The following COPA variants were observed in gnomAD, a reference collection of about 807,000 sequenced individuals.
COPA encodes the protein coatomer subunit alpha.
In COPA, 10 loss-of-function variants were observed where a neutral mutation model predicts 158.7. The ratio of observed to expected loss-of-function variants is 0.06; its 90% CI spans 0.04 to 0.11. The LOEUF (loss-of-function observed/expected upper bound fraction) is 0.11, where lower values mean the gene tolerates loss of function less well. Ranked by LOEUF, COPA falls within the 10% of genes least tolerant of loss-of-function variation. COPA has a pLI of 1.00. For missense variants in COPA, 1,065 were observed against 1,536.7 expected, an observed-to-expected ratio of 0.69 and a Z score of 5.13; for synonymous variants, 462 against 542.8, an observed-to-expected ratio of 0.85 and a Z score of 2.07.
chr1:160,308,552 G>GA (rs1377837175), intron 13 of COPA, among the ~76,000 whole-genome samples: 1 of 152,218 alleles, frequency 6.6e-6, no homozygotes, highest in African/African-American at 2.4e-5. Context: ...TCCATTCTGA[G>GA]AATGTTTTGT....
intron 2 of COPA, 74 bp from the exon 3 acceptor site, chr1:160,340,056 A>G: frequency 1.3e-6 from 2 of 1,563,930 alleles, no homozygotes; most frequent in East Asian, 4.5e-5. Context: ...CCTATTCAGG[A>G]TTTTTCAGTT....
intron 8 of COPA, chr1:160,317,272 T>C (rs1382533691): frequency 2.6e-6 from 2 of 777,104 alleles, no homozygotes; most frequent in African/African-American, 1.7e-5. Flanking sequence ...ACTAATGTGG[T>C]AGCGGAAGTT....
At chr1:160,302,354 GAAAACTAT>G (rs1163283898) in intron 17 of COPA, among the ~76,000 whole-genome samples, 2 of 151,912 alleles carry the variant, frequency 1.3e-5, no homozygotes, top group African/African-American at 2.4e-5. Flanking sequence ...TCTCTATAGA[GAAAACTAT>G]AAAACTTTAT....
intron 30 of COPA, 43 bp downstream of exon 30, chr1:160,291,776 G>A (rs1173837133): frequency 2.5e-6 from 4 of 1,580,422 alleles, no homozygotes; most frequent in Non-Finnish European, 3.5e-6. Context: ...GAAGGGTGAA[G>A]GGAAGGACGT....
rs754430732 is a variant in COPA, at chr1:160,306,346, T to C, written c.1442+8A>G. 6 of 1,589,740 alleles carry C rather than the reference T, an allele frequency of 3.8e-6. No homozygotes were observed. The highest frequency in any genetic ancestry group is 1.3e-5 in the African/African-American group (1 of 74,258). ...GGGCTGTCTGCTTAGGGGCACCTGA[T>C]ATGTTACCGCTTCTGCTGTACGTCA... On this transcript the variant is annotated splice_region_variant and intron_variant, in intron 15 of 32. Transcript: ENST00000241704.
chr1:160,331,999 C>T (rs1647545933), intron 6 of COPA, among the ~76,000 whole-genome samples: 1 of 151,918 alleles, frequency 6.6e-6, no homozygotes, highest in Non-Finnish European at 1.5e-5. Flanking sequence ...TCCTAGAACC[C>T]AACCATGCTC....
intron 7 of COPA, among the ~76,000 whole-genome samples, chr1:160,324,631 T>C (rs1448342372): frequency 1.3e-5 from 2 of 152,056 alleles, no homozygotes; most frequent in African/African-American, 4.8e-5. Flanking sequence ...CTTTCGTAAG[T>C]ATACAATAGA....
chr1:160,290,521 A>C lies in COPA; in HGVS notation c.3586T>G (p.Phe1196Val), dbSNP rs1175868624. The stretch of plus-strand genomic sequence containing the variant: ...GTGACCCTGCAGATTTGACCTTTGA[A>C]CTCAGGGGAATAGCAGGCCCCACTG... The part of the protein sequence containing the change: ...PLSGACYSPE[F>V]KGQICRVTTV... Residue 1196 changes from phenylalanine to valine, a missense_variant, in exon 32 of 33, where the codon TTC (phenylalanine) becomes GTC (valine). By Grantham distance (50) the Phe-to-Val change is conservative. Transcript: ENST00000241704. The C allele has an allele frequency of 6.2e-7, 1 of 1,614,130 alleles. No homozygotes were observed. The highest frequency in any genetic ancestry group is 8.5e-7 in the Non-Finnish European group (1 of 1,180,024).
In COPA at chr1:160,307,210, C is replaced by T. The variant is rs750819605; in HGVS notation, c.1255G>A (p.Val419Ile). The change falls in exon 14 of 33, where the codon GTT becomes ATT. Residue 419 changes from valine to isoleucine, a missense_variant. This residue lies in a region of COPA where 980 missense variants were observed against 1,357.8 expected (regional missense o/e 0.72). Transcript: ENST00000241704. ...GCAAACCGATTTCGAGCGACCCAAACGGCTGTCAGGCCTGAGGATCGTTTC... is the reference window on the plus strand; with the variant it reads ...GCAAACCGATTTCGAGCGACCCAAATGGCTGTCAGGCCTGAGGATCGTTTC... ...EGKRSSGLTA[V>I]WVARNRFAVL... 7.4e-6 allele frequency: 12 copies of T among 1,614,086 alleles called. No individual in the cohort carries two copies. Among genetic ancestry groups the T allele is most frequent in the East Asian group, 4.5e-5 (2 of 44,902 alleles).
chr1:160,305,433 C>G lies in COPA; in HGVS notation c.1667G>C (p.Gly556Ala). Residue 556 changes from glycine (G) to alanine (A), a missense_variant and splice_region_variant, in exon 17 of 33, where the codon GGG (glycine) becomes GCG (alanine). Coordinates refer to ENST00000241704, the MANE Select transcript of COPA (RefSeq NM_004371.4). The part of the protein sequence containing the change: ...SNHIKYAVTT[G>A]DHGIIRTLDL... ...TCTGTATCCCAGATAATTAACTTAC[C>G]CAGTGGTGACAGCATATTTGATGTG... The G allele has an allele frequency of 6.2e-7, 1 of 1,613,724 alleles. No homozygotes were observed. The highest frequency in any genetic ancestry group is 8.5e-7 in the Non-Finnish European group (1 of 1,179,824).
At chr1:160,317,298 TTGTGC>T (rs775548815) in intron 8 of COPA, 12 of 1,024,092 alleles carry the variant, frequency 1.2e-5, no homozygotes, top group Non-Finnish European at 1.7e-5. Context: ...AGCTGCGGTG[TTGTGC>T]TGTGGGGAAG....
At position 160,296,242 on chromosome 1, in the gene COPA, G is replaced by A. The variant is rs1047239109; in HGVS notation, c.2264-93C>T. 2.0e-5 allele frequency: 20 copies of A among 1,016,830 alleles called. No individual in the cohort carries two copies. The African/African-American group carries it at 2.9e-4, about 15-fold the overall frequency. 63.0% of individuals were successfully genotyped at this position (1,016,830 alleles called of 1,614,324 possible). A position where few individuals can be genotyped will look rare whatever the true frequency, so the allele number is the denominator to read the frequency against. ...CTGAAATGGCCCCCCAGTAATCCCT[G>A]ACTCCTGGTATTCAAGTTGTTGCAA... On this transcript the variant is annotated intron_variant, in intron 21 of 32. Coordinates refer to ENST00000241704, the MANE Select transcript of COPA (RefSeq NM_004371.4).
In COPA at chr1:160,325,529, A is replaced by G. The variant is rs751811141; in HGVS notation, c.606+14T>C. The G allele has an allele frequency of 1.7e-5, 28 of 1,605,918 alleles. 1 individual carries two copies. In the South Asian group the frequency reaches 1.8e-4, roughly 10 times the overall value. ...GACAGCCCATATTCAGCCCCTGGCTATAAAGATAAGTACCTCTAGTACATG... is the reference window on the plus strand; with the variant it reads ...GACAGCCCATATTCAGCCCCTGGCTGTAAAGATAAGTACCTCTAGTACATG... On this transcript the variant is annotated intron_variant, in intron 7 of 32. Transcript: ENST00000241704.
At chr1:160,295,584 T>C in intron 23 of COPA, 152 bp downstream of exon 23, 1 of 849,434 alleles carries the variant, frequency 1.2e-6, no homozygotes, top group Non-Finnish European at 1.6e-6. Flanking sequence ...CTTAAGTTTT[T>C]AAGACTGCAC....
At chr1:160,339,838 T>A (rs1647952919) in intron 3 of COPA, 71 bp downstream of exon 3, 1 of 1,399,790 alleles carries the variant, frequency 7.1e-7, no homozygotes, top group Admixed American at 1.7e-5. Flanking sequence ...TGTCTTTCAG[T>A]TCCTTTCATG....
chr1:160,318,632 A>G (rs1659237526), intron 8 of COPA, among the ~76,000 whole-genome samples: 1 of 151,976 alleles, frequency 6.6e-6, no homozygotes, highest in Admixed American at 6.6e-5. Flanking sequence ...TAACTTTACT[A>G]TGAAGCCCAA....
At chr1:160,295,297 G>A (rs1283207032) in intron 23 of COPA, among the ~76,000 whole-genome samples, 1 of 152,154 alleles carries the variant, frequency 6.6e-6, no homozygotes, top group South Asian at 2.1e-4. Flanking sequence ...AATGAACTAG[G>A]AGACCCAGAA....
intron 11 of COPA, among the ~76,000 whole-genome samples, chr1:160,311,042 C>A (rs1658950350): frequency 6.6e-6 from 1 of 152,190 alleles, no homozygotes; most frequent in Non-Finnish European, 1.5e-5. Context: ...TCATTCTACT[C>A]ATGACCACTT....
At position 160,305,697 on chromosome 1, in the gene COPA, C is replaced by A. The variant is rs369175977; in HGVS notation, c.1519G>T (p.Ala507Ser). 6.2e-7 allele frequency: 1 copy of A among 1,614,140 alleles called. No homozygotes were observed. Among genetic ancestry groups the A allele is most frequent in the Non-Finnish European group, 8.5e-7 (1 of 1,180,018 alleles). Residue 507 changes from alanine (A) to serine (S), a missense_variant, in exon 16 of 33, where the codon GCC becomes TCC. This residue lies in a region of COPA where 980 missense variants were observed against 1,357.8 expected (regional missense o/e 0.72). Transcript: ENST00000241704. ...SADMSHVALL[A>S]KHAIVICNRK... ...TATAATGAAGACTCACCGTGTTTGGCTAGTAGTGCTACATGTGACATGTCT... is the reference window on the plus strand; with the variant it reads ...TATAATGAAGACTCACCGTGTTTGGATAGTAGTGCTACATGTGACATGTCT...
Sources: allele counts gnomAD v4.1 joint callset (sites outside exome capture counted in the v4.1 genomes callset), GRCh38; gene constraint gnomAD v4.1.1; regional missense constraint gnomAD v4.1.1; transcripts MANE v1.5; gene names NCBI Gene and HGNC (gene_info 2026-07-23, HGNC 2026-07-21).